The following CDH23 variants were observed in gnomAD, a reference collection of about 807,000 sequenced individuals.
The protein encoded by CDH23 is cadherin-23.
Under a neutral mutation model 317.1 loss-of-function variants are expected in CDH23, and 189 were observed. The observed-to-expected ratio is 0.60, with a 90% CI of 0.53 to 0.67. The LOEUF is 0.67. Ranked by LOEUF, CDH23 falls within the 30% of genes least tolerant of loss-of-function variation. CDH23 has a pLI of 0.00. For synonymous variants in CDH23, 1,839 were observed against 1,876.8 expected (o/e 0.98, Z 0.52); for missense variants, 4,401 against 4,592.4 (o/e 0.96, Z 1.20).
chr10:71,694,049 T>G, intron 20 of CDH23, 98 bp from the exon 21 acceptor site: 1 of 942,260 alleles, frequency 1.1e-6, no homozygotes, highest in Non-Finnish European at 1.7e-6. Flanking sequence ...CTCGTGCAAG[T>G]TCTCACCCTC....
intron 3 of CDH23, among the ~76,000 whole-genome samples, chr10:71,498,496 G>A (rs966259011): frequency 6.6e-6 from 1 of 152,230 alleles, no homozygotes; most frequent in Non-Finnish European, 1.5e-5. Context: ...AGATATGTAG[G>A]TCTGCCCGCT....
intron 6 of CDH23, among the ~76,000 whole-genome samples, chr10:71,549,334 T>C (rs1856457216): frequency 6.6e-6 from 1 of 152,200 alleles, no homozygotes; most frequent in Non-Finnish European, 1.5e-5. Context: ...ATGATAAGAC[T>C]GACCGATTAG....
At chr10:71,500,569 G>A (rs1853234926) in intron 3 of CDH23, among the ~76,000 whole-genome samples, 1 of 152,206 alleles carries the variant, frequency 6.6e-6, no homozygotes, top group South Asian at 2.1e-4. Context: ...TTCAGACCAG[G>A]GTCCACCTGG....
chr10:71,624,961 A>T (rs896626218), intron 11 of CDH23, among the ~76,000 whole-genome samples: 4 of 152,056 alleles, frequency 2.6e-5, no homozygotes, highest in African/African-American at 9.7e-5. Context: ...CCAAACTCTG[A>T]TAATTTTTAC....
intron 9 of CDH23, among the ~76,000 whole-genome samples, chr10:71,612,394 G>A (rs1860957405): frequency 6.6e-6 from 1 of 152,072 alleles, no homozygotes; most frequent in Non-Finnish European, 1.5e-5. Flanking sequence ...TGGGCAGTGT[G>A]TACGTGAACG....
At chr10:71,434,629 C>G (rs1849539255) in intron 1 of CDH23, among the ~76,000 whole-genome samples, 1 of 152,190 alleles carries the variant, frequency 6.6e-6, no homozygotes, top group East Asian at 1.9e-4. Flanking sequence ...CTGGTCTGAG[C>G]AGCAGGTCTT....
intron 3 of CDH23, among the ~76,000 whole-genome samples, chr10:71,501,458 C>T (rs1055995641): frequency 1.4e-4 from 21 of 152,224 alleles, no homozygotes; most frequent in Admixed American, 4.6e-4. Context: ...ACAGTGAGGG[C>T]GTCGATCAGT....
chr10:71,646,611 A>T lies in CDH23; in HGVS notation c.1443A>T (p.Thr481=). Residue 481 remains threonine, a synonymous_variant, in exon 14 of 70, where the codon ACA becomes ACT. Transcript: ENST00000224721. ...TCACCGTGGGGACCTCTGTGCTGACAGTCCTGGTGAGTCCCCGCTTCACTG... is the reference window on the plus strand; with the variant it reads ...TCACCGTGGGGACCTCTGTGCTGACTGTCCTGGTGAGTCCCCGCTTCACTG... ...ENVTVGTSVL[T]VLATDNDAGT... The T allele has an allele frequency of 6.2e-7, 1 of 1,614,016 alleles. No homozygotes were observed. Among genetic ancestry groups the T allele is most frequent in the South Asian group, 1.1e-5 (1 of 91,088 alleles).
intron 26 of CDH23, chr10:71,707,417 G>A: frequency 7.7e-7 from 1 of 1,300,104 alleles, no homozygotes; most frequent in Non-Finnish European, 9.8e-7. Context: ...GAGGAATGTG[G>A]CCTCATCCTT....
intron 38 of CDH23, among the ~76,000 whole-genome samples, chr10:71,774,626 T>G (rs1840776149): frequency 2.0e-5 from 3 of 152,120 alleles, no homozygotes; most frequent in African/African-American, 7.2e-5. Context: ...GACAAACCAA[T>G]GAGTGAGTGA....
intron 8 of CDH23, among the ~76,000 whole-genome samples, chr10:71,576,861 T>G (rs1022996379): frequency 2.0e-5 from 3 of 152,210 alleles, no homozygotes; most frequent in African/African-American, 7.2e-5. Flanking sequence ...TTTGTTCGTT[T>G]GTTTATTCAG....
chr10:71,775,376 G>C (rs369554625), intron 38 of CDH23, among the ~76,000 whole-genome samples: 1 of 149,968 alleles, frequency 6.7e-6, no homozygotes. Context: ...TTAGAGAAAG[G>C]GGAGCAATTG....
intron 20 of CDH23, among the ~76,000 whole-genome samples, chr10:71,690,788 A>C (rs1865160157): frequency 1.3e-5 from 2 of 152,380 alleles, no homozygotes; most frequent in East Asian, 3.9e-4. Context: ...GAATTGACCC[A>C]GTGAAGGACG....
At chr10:71,646,007 G>C (rs1862832742) in intron 13 of CDH23, 27 bp downstream of exon 13, 1 of 1,606,034 alleles carries the variant, frequency 6.2e-7, no homozygotes, top group East Asian at 2.2e-5. Context: ...TGGCATTTTG[G>C]AGTGGGGTGG....
In CDH23 at chr10:71,730,567, G is replaced by A. The variant is rs774716336; in HGVS notation, c.3678G>A (p.Thr1226=). 5.8e-5 allele frequency: 93 copies of A among 1,613,810 alleles called. No individual in the cohort carries two copies. In the South Asian group the frequency reaches 6.7e-4, roughly 12 times the overall value. The change falls in exon 31 of 70, where the codon ACG becomes ACA. Residue 1226 remains threonine (T), a synonymous_variant. Coordinates refer to ENST00000224721, the MANE Select transcript of CDH23 (RefSeq NM_022124.6). Reference sequence around the variant, plus strand: ...TTCGAGAGACCGCAGGCATTGGAACGTCAGTCATCGTGGTCCAAGCCACAG... The same window carrying A: ...TTCGAGAGACCGCAGGCATTGGAACATCAGTCATCGTGGTCCAAGCCACAG... ...LGLRETAGIG[T]SVIVVQATDR... is the part of the protein sequence containing the mutation.
intron 9 of CDH23, among the ~76,000 whole-genome samples, chr10:71,606,130 C>A (rs565417933): frequency 6.6e-6 from 1 of 152,244 alleles, no homozygotes; most frequent in South Asian, 2.1e-4. Context: ...TAAACTGGAG[C>A]CAGTTATTAG....
intron 3 of CDH23, among the ~76,000 whole-genome samples, chr10:71,462,121 G>A (rs905434445): frequency 1.3e-5 from 2 of 152,214 alleles, no homozygotes; most frequent in Non-Finnish European, 2.9e-5. Context: ...GCTCAGCTGG[G>A]GCTTATCATC....
chr10:71,541,214 C>T (rs1855970469), intron 6 of CDH23, among the ~76,000 whole-genome samples: 1 of 152,186 alleles, frequency 6.6e-6, no homozygotes, highest in African/African-American at 2.4e-5. Context: ...CCGCTGGCCG[C>T]CTCTTGGTAT....
chr10:71,611,043 A>C (rs988864871), intron 9 of CDH23, among the ~76,000 whole-genome samples: 2 of 151,728 alleles, frequency 1.3e-5, no homozygotes, highest in African/African-American at 4.9e-5. Flanking sequence ...AACAGATGAA[A>C]GGCTTCCCTG....
Sources: allele counts gnomAD v4.1 joint callset (sites outside exome capture counted in the v4.1 genomes callset), GRCh38; gene constraint gnomAD v4.1.1; transcripts MANE v1.5; gene names NCBI Gene and HGNC (gene_info 2026-07-23, HGNC 2026-07-21).